GPC6: variants seen among roughly 807,000 people sequenced by gnomAD.
GPC6 encodes glypican-6.
In GPC6, 14 loss-of-function variants were observed where a neutral mutation model predicts 55.2. That is an observed-to-expected ratio of 0.25 (90% CI 0.17 to 0.40). The LOEUF (loss-of-function observed/expected upper bound fraction) is 0.40. Among genes scored for constraint, GPC6 ranks in the 10% least tolerant of loss-of-function variants. The probability of loss-of-function intolerance (pLI) is 1.00; values close to 1 mark genes in which losing one functional copy is unlikely to be tolerated. For synonymous variants in GPC6, 278 were observed against 259.6 expected, an observed-to-expected ratio of 1.07 and a Z score of -0.68; for missense variants, 641 against 708.5, an observed-to-expected ratio of 0.90 and a Z score of 1.08.
intron 1 of GPC6, among the ~76,000 whole-genome samples, chr13:93,285,633 T>TGTGTGTGTGTGTGTGTATGC (rs1878092374): frequency 7.3e-6 from 1 of 136,272 alleles, no homozygotes; most frequent in African/African-American, 3.0e-5. Context: ...TGTGTGTGTG[T>TGTGTGTGTGTGTGTGTATGC]GTGTGTGTGT....
chr13:93,856,708 T>C (rs868597447), intron 3 of GPC6, among the ~76,000 whole-genome samples: 39 of 151,542 alleles, frequency 2.6e-4, no homozygotes, highest in African/African-American at 9.2e-4. Context: ...CAGATGGAAC[T>C]GTGGTGGACA....
At chr13:93,312,474 A>G (rs1328128653) in intron 1 of GPC6, among the ~76,000 whole-genome samples, 1 of 152,158 alleles carries the variant, frequency 6.6e-6, no homozygotes, top group African/African-American at 2.4e-5. Flanking sequence ...TATTAATATT[A>G]ATTTACAACC....
rs148919862 is a variant in GPC6 at position 93,623,350 on chromosome 13, G to C, written c.319+77929G>C. Among the ~76,000 whole-genome samples the C allele has an allele frequency of 9.8e-4, 149 of 151,680 alleles. 1 individual carries two copies. The highest frequency in any genetic ancestry group is 3.3e-3 in the African/African-American group (138 of 41,358). On this transcript the variant is annotated intron_variant, in intron 2 of 8. Coordinates refer to ENST00000377047, the MANE Select transcript of GPC6 (RefSeq NM_005708.5). Reference sequence around the variant, plus strand: ...TTTTTAAATTTTTTGAAGAACTTCCGTAATGTTTTCCATAATGGCTGGACT... The same window carrying C: ...TTTTTAAATTTTTTGAAGAACTTCCCTAATGTTTTCCATAATGGCTGGACT...
At chr13:93,586,742 A>C (rs1273156462) in intron 2 of GPC6, among the ~76,000 whole-genome samples, 1 of 152,190 alleles carries the variant, frequency 6.6e-6, no homozygotes, top group African/African-American at 2.4e-5. Flanking sequence ...AAACGTTTTG[A>C]AATTGCCAAG....
At chr13:94,383,782 A>G (rs1296417650) in intron 7 of GPC6, among the ~76,000 whole-genome samples, 1 of 152,172 alleles carries the variant, frequency 6.6e-6, no homozygotes, top group African/African-American at 2.4e-5. Context: ...TATAAAGGAA[A>G]GAGGCTTGAT....
At chr13:93,578,983 T>A (rs1244955130) in intron 2 of GPC6, among the ~76,000 whole-genome samples, 1 of 152,148 alleles carries the variant, frequency 6.6e-6, no homozygotes, top group Non-Finnish European at 1.5e-5. Context: ...TTTAAGTGAA[T>A]AAGTGAATAA....
intron 3 of GPC6, among the ~76,000 whole-genome samples, chr13:93,933,321 A>T (rs993285798): frequency 6.6e-6 from 1 of 152,164 alleles, no homozygotes; most frequent in East Asian, 1.9e-4. Flanking sequence ...CAAACATTCT[A>T]CAATGCTGGG....
chr13:94,249,132 T>C (rs1891279181), intron 4 of GPC6, among the ~76,000 whole-genome samples: 1 of 152,170 alleles, frequency 6.6e-6, no homozygotes, highest in Non-Finnish European at 1.5e-5. Context: ...GAGGCTGTTC[T>C]TTTAAAAGTA....
intron 4 of GPC6, among the ~76,000 whole-genome samples, chr13:94,096,129 A>G (rs1885647633): frequency 6.6e-6 from 1 of 152,232 alleles, no homozygotes; most frequent in African/African-American, 2.4e-5. Context: ...TAGTTTTAAT[A>G]GAACAGAAAT....
At chr13:94,289,112 A>G (rs1329241824) in intron 5 of GPC6, among the ~76,000 whole-genome samples, 2 of 151,320 alleles carry the variant, frequency 1.3e-5, no homozygotes, top group Middle Eastern at 3.4e-3. Flanking sequence ...AATTGTAGGC[A>G]GATGCTTGTT....
chr13:93,531,652 A>G (rs1035397871), intron 1 of GPC6, among the ~76,000 whole-genome samples: 1 of 152,216 alleles, frequency 6.6e-6, no homozygotes, highest in Admixed American at 6.5e-5. Flanking sequence ...AATCTATTAC[A>G]GTGTCCTACT....
intron 2 of GPC6, among the ~76,000 whole-genome samples, chr13:93,791,987 T>A (rs1234346644): frequency 1.3e-5 from 2 of 152,140 alleles, no homozygotes; most frequent in African/African-American, 4.8e-5. Flanking sequence ...TTTTTGAAGA[T>A]TTTTTTTCTA....
intron 6 of GPC6, among the ~76,000 whole-genome samples, chr13:94,367,297 C>T (rs1177046492): frequency 1.3e-5 from 2 of 152,238 alleles, no homozygotes; most frequent in African/African-American, 2.4e-5. Context: ...AATACTTTGA[C>T]TTGGTCTGGA....
In GPC6 at chr13:94,231,393, A is replaced by G. The variant is rs560630702; in HGVS notation, c.878-54956A>G. Among the ~76,000 whole-genome samples the G allele has an allele frequency of 5.3e-5, 8 of 152,316 alleles. No homozygotes were observed. In the South Asian group the frequency reaches 1.2e-3, roughly 24 times the overall value. On this transcript the variant is annotated intron_variant, in intron 4 of 8. Coordinates refer to ENST00000377047, the MANE Select transcript of GPC6 (RefSeq NM_005708.5). ...CCTTGGCACTGTTTCTGAAGAAGCA[A>G]GTTCAGAAACATTTGGCAGTCCGTG...
intron 3 of GPC6, among the ~76,000 whole-genome samples, chr13:93,923,687 G>A (rs571617881): frequency 6.6e-6 from 1 of 152,176 alleles, no homozygotes; most frequent in African/African-American, 2.4e-5. Context: ...ATATGTTTTC[G>A]CTATTCAGAT....
At chr13:93,644,561 C>T (rs79584641) in intron 2 of GPC6, among the ~76,000 whole-genome samples, 10,010 of 151,940 alleles carry the variant, frequency 0.066, 504 homozygotes, top group East Asian at 0.27. Context: ...TTCACTGCTT[C>T]ATTAAAATAA....
intron 1 of GPC6, among the ~76,000 whole-genome samples, chr13:93,291,007 C>A (rs1226394602): frequency 6.6e-6 from 1 of 152,036 alleles, no homozygotes; most frequent in Non-Finnish European, 1.5e-5. Flanking sequence ...TACGACTGAT[C>A]ATTTGGGCAA....
the GPC6 span, among the ~76,000 whole-genome samples, chr13:93,217,912 T>C: frequency 6.6e-6 from 1 of 152,210 alleles, no homozygotes; most frequent in Non-Finnish European, 1.5e-5. Context: ...ATGTTTTTTT[T>C]GGAAGACAGT....
intron 2 of GPC6, among the ~76,000 whole-genome samples, chr13:93,548,937 T>A (rs1489579985): frequency 1.3e-5 from 2 of 152,184 alleles, no homozygotes; most frequent in East Asian, 1.9e-4. Context: ...TCTCCAAGGG[T>A]CTGACAAGGT....
Sources: allele counts gnomAD v4.1 joint callset (sites outside exome capture counted in the v4.1 genomes callset), GRCh38; gene constraint gnomAD v4.1.1; transcripts MANE v1.5; gene names NCBI Gene and HGNC (gene_info 2026-07-23, HGNC 2026-07-21).